ZNF655: variants seen among roughly 807,000 people sequenced by gnomAD.
ZNF655 encodes the protein Vav-interacting Kruppel-like protein 1.
Under a neutral mutation model 6.6 loss-of-function variants are expected in ZNF655, and 3 were observed. The observed-to-expected ratio is 0.46, with a 90% CI of 0.21 to 1.18. The LOEUF (loss-of-function observed/expected upper bound fraction) is 1.18. Among genes scored for constraint, ZNF655 ranks in the 50% most tolerant of loss-of-function variants. ZNF655 has a pLI of 0.24. For synonymous variants in ZNF655, 178 were observed against 195.0 expected (o/e 0.91, Z 0.73); for missense variants, 526 against 572.3 (o/e 0.92, Z 0.83).
rs1335246161 is a variant in ZNF655, at chr7:99,576,452, A to C, written c.*2868A>C. 1.3e-5 allele frequency: 2 copies of C among 152,626 alleles called. No homozygotes were observed. Among genetic ancestry groups the C allele is most frequent in the Non-Finnish European group, 2.9e-5 (2 of 68,042 alleles). 9.5% of individuals were successfully genotyped at this position (152,626 alleles called of 1,614,324 possible). ...ATAAAGGTGTGTTTGGTATTCTGAG[A>C]ATTTGTTTCAAACAAAATCTGAAGG... On this transcript the variant is annotated 3_prime_UTR_variant, in exon 3 of 3. Coordinates refer to ENST00000252713, the MANE Select transcript of ZNF655 (RefSeq NM_138494.3).
intron 1 of ZNF655, 48 bp from the exon 2 acceptor site, chr7:99,560,485 G>T (rs1803044230): frequency 6.5e-7 from 1 of 1,541,836 alleles, no homozygotes; most frequent in Non-Finnish European, 8.8e-7. Context: ...ATAAAATGAT[G>T]AAATGCTTTA....
At chr7:99,560,148 A>C in intron 1 of ZNF655, among the ~76,000 whole-genome samples, 1 of 147,972 alleles carries the variant, frequency 6.8e-6, no homozygotes, top group Admixed American at 6.9e-5. Context: ...GCAGTGGTGC[A>C]ATCTTGGCTC....
At chr7:99,560,364 C>A in intron 1 of ZNF655, 169 bp from the exon 2 acceptor site, 1 of 549,312 alleles carries the variant, frequency 1.8e-6, no homozygotes, top group Non-Finnish European at 2.9e-6. Context: ...GATTACAGGC[C>A]ACTGCGCCTG....
rs1186570438 is a variant in ZNF655, at chr7:99,559,723, G to A, written c.-27-810G>A. ...GCTCACTGCAGCCTCTACCTCCCAA[G>A]CTCAAGCGATTCTCCTGCCTTGGCC... On this transcript the variant is annotated intron_variant, in intron 1 of 2. Transcript: ENST00000252713. Among the ~76,000 whole-genome samples the A allele has an allele frequency of 3.3e-5, 5 of 151,722 alleles. No individual in the cohort carries two copies. In the East Asian group the frequency reaches 9.7e-4, roughly 29 times the overall value.
chr7:99,559,668 TACAGGCTGGAATGC>T lies in ZNF655; in HGVS notation c.-27-863_-27-850del, dbSNP rs1802928382. 2.6e-5 allele frequency among the ~76,000 whole-genome samples: 4 copies of T among 152,146 alleles called. No homozygotes were observed. The South Asian group carries it at 8.3e-4, about 32-fold the overall frequency. The stretch of plus-strand genomic sequence containing the variant: ...TTTGAGGTGGGCTGTCACGCTGTCA[TACAGGCTGGAATGC>T]AGTGGCGCAGTCATAGCTCACTGCA... On this transcript the variant is annotated intron_variant, in intron 1 of 2. Coordinates refer to ENST00000252713, the MANE Select transcript of ZNF655 (RefSeq NM_138494.3).
intron 2 of ZNF655, chr7:99,562,466 A>G: frequency 2.5e-6 from 4 of 1,613,660 alleles, no homozygotes; most frequent in Non-Finnish European, 3.4e-6. Flanking sequence ...AAGTGATGTT[A>G]GAGAATTATG....
rs538233687 is a variant in ZNF655 at position 99,573,661 on chromosome 7, A to T, written c.*77A>T. The T allele has an allele frequency of 8.6e-5, 129 of 1,498,314 alleles. No homozygotes were observed. In the South Asian group the frequency reaches 1.6e-3, roughly 18 times the overall value. The allele number at this position is 1,498,314 out of a possible 1,614,324, so 92.8% of individuals were successfully genotyped here. On this transcript the variant is annotated 3_prime_UTR_variant, in exon 3 of 3. Coordinates refer to ENST00000252713, the MANE Select transcript of ZNF655 (RefSeq NM_138494.3). Reference sequence around the variant, plus strand: ...TGAGAGTTCACACCAGGGAGAAATCATGTATGTACTGCATGTGGTAAAGCC... The same window carrying T: ...TGAGAGTTCACACCAGGGAGAAATCTTGTATGTACTGCATGTGGTAAAGCC...
rs755874656 is a variant in ZNF655 at position 99,572,645 on chromosome 7, T to G, written c.537T>G (p.Asn179Lys). The G allele has an allele frequency of 6.2e-7, 1 of 1,613,648 alleles. No homozygotes were observed. Among genetic ancestry groups the G allele is most frequent in the Non-Finnish European group, 8.5e-7 (1 of 1,179,884 alleles). The change falls in exon 3 of 3, where the codon AAT becomes AAG. Residue 179 changes from asparagine to lysine, a missense_variant. By Grantham distance (94) the Asn-to-Lys change is moderately conservative. Transcript: ENST00000252713. ...NSASGKHEHLNLTEDFQSSEC... is the reference protein window; with the variant it reads ...NSASGKHEHLKLTEDFQSSEC... ...CCTCTGGTAAACATGAACACTTAAA[T>G]CTAACAGAGGATTTTCAGAGTAGTG...
Position 99,573,576 on chromosome 7 carries a change from A to G in ZNF655, c.1468A>G (p.Asn490Asp). The change falls in exon 3 of 3, where the codon AAC (asparagine) becomes GAC (aspartate). Residue 490 changes from asparagine to aspartate, a missense_variant. Transcript: ENST00000252713. ...VQHQSIHTKENS is the reference protein window; with the variant it reads ...VQHQSIHTKEDS ...ACATCAGAGCATTCATACCAAAGAG[A>G]ACTCATGAATGTAATGAAGATGGGA... 6.3e-7 allele frequency: 1 copy of G among 1,599,826 alleles called. No individual in the cohort carries two copies. Among genetic ancestry groups the G allele is most frequent in the Non-Finnish European group, 8.5e-7 (1 of 1,177,638 alleles).
intron 2 of ZNF655, chr7:99,563,252 G>A (rs1018378139): frequency 9.8e-5 from 43 of 438,578 alleles, no homozygotes; most frequent in Admixed American, 4.6e-4. Flanking sequence ...GGGGTTTGTC[G>A]GCAGCTCCCT....
chr7:99,574,245 G>A lies in ZNF655; in HGVS notation c.*661G>A, dbSNP rs1247266507. 1 of 152,162 alleles carries A rather than the reference G, an allele frequency of 6.6e-6. No individual in the cohort carries two copies. Among genetic ancestry groups the A allele is most frequent in the Non-Finnish European group, 1.5e-5 (1 of 68,034 alleles). The allele number at this position is 152,162 out of a possible 1,614,324, so 9.4% of individuals were successfully genotyped here. On this transcript the variant is annotated 3_prime_UTR_variant, in exon 3 of 3. Coordinates refer to ENST00000252713, the MANE Select transcript of ZNF655 (RefSeq NM_138494.3). ...ACATCGAAATAATGGAGAGAAAATT[G>A]TTGATTATTTGTTTATGAAATTGTT...
rs1373120117 is a variant in ZNF655, at chr7:99,575,822, A to T, written c.*2238A>T. The T allele has an allele frequency of 1.3e-5, 2 of 152,202 alleles. No homozygotes were observed. The highest frequency in any genetic ancestry group is 4.8e-5 in the African/African-American group (2 of 41,446). 9.4% of individuals were successfully genotyped at this position (152,202 alleles called of 1,614,324 possible). A position where few individuals can be genotyped will look rare whatever the true frequency, so the allele number is the denominator to read the frequency against. ...ATCCATTACCACATTTTTGTATTTT[A>T]ATAGTCTACAGGCTATATAAAAGAA... On this transcript the variant is annotated 3_prime_UTR_variant, in exon 3 of 3. Transcript: ENST00000252713.
chr7:99,572,717 G>A lies in ZNF655; in HGVS notation c.609G>A (p.Glu203=), dbSNP rs748606200. ...LMDLSHLNKW[E]SIPNTEKSYK... ...ATCTCTCCCACCTTAATAAATGGGAGAGCATCCCTAACACTGAGAAATCCT... is the reference window on the plus strand; with the variant it reads ...ATCTCTCCCACCTTAATAAATGGGAAAGCATCCCTAACACTGAGAAATCCT... The change falls in exon 3 of 3, where the codon GAG becomes GAA. Residue 203 remains glutamate (E), a synonymous_variant. Coordinates refer to ENST00000252713, the MANE Select transcript of ZNF655 (RefSeq NM_138494.3). 1 of 1,613,244 alleles carries A rather than the reference G, an allele frequency of 6.2e-7. No individual in the cohort carries two copies. Among genetic ancestry groups the A allele is most frequent in the Non-Finnish European group, 8.5e-7 (1 of 1,179,936 alleles).
In ZNF655 at chr7:99,572,894, CACTAGAGAAAA is replaced by C. The variant is rs1240818405; in HGVS notation, c.789_799del (p.Arg264LeufsTer4). On this transcript the variant is annotated frameshift_variant, in exon 3 of 3. Coordinates refer to ENST00000252713, the MANE Select transcript of ZNF655 (RefSeq NM_138494.3). LOFTEE classifies it low-confidence loss of function (END_TRUNC). ...GTCTTAGTCGACATAAAAGAATACA[CACTAGAGAAAA>C]ACCTTACAAATGTGAAGCATCTGAT... is the stretch of plus-strand genomic sequence containing the variant. 6 of 1,614,106 alleles carry C rather than the reference CACTAGAGAAAA, an allele frequency of 3.7e-6. No homozygotes were observed. The highest frequency in any genetic ancestry group is 5.1e-6 in the Non-Finnish European group (6 of 1,179,990).
chr7:99,566,928 A>C (rs1803680586), intron 2 of ZNF655, among the ~76,000 whole-genome samples: 1 of 150,282 alleles, frequency 6.7e-6, no homozygotes, highest in African/African-American at 2.4e-5. Context: ...AAATAAAATA[A>C]TTTTTTTTTT....
rs769661648 is a variant in ZNF655, at chr7:99,573,487, G to A, written c.1379G>A (p.Arg460Lys). 4.3e-5 allele frequency: 69 copies of A among 1,613,148 alleles called. No homozygotes were observed. Among genetic ancestry groups the A allele is most frequent in the Non-Finnish European group, 5.5e-5 (65 of 1,180,024 alleles). ...DLILQQEVLT[R>K]QKAFDCDVWE... ...ATCCTGCAACAAGAAGTCCTCACCA[G>A]ACAGAAAGCCTTTGATTGTGATGTA... Residue 460 changes from arginine to lysine, a missense_variant, in exon 3 of 3, where the codon AGA becomes AAA. Transcript: ENST00000252713.
chr7:99,568,223 A>G (rs761497752), intron 2 of ZNF655, among the ~76,000 whole-genome samples: 3 of 151,928 alleles, frequency 2.0e-5, no homozygotes, highest in African/African-American at 7.3e-5. Context: ...GAGTTTCCTC[A>G]AATTTATTAT....
chr7:99,567,321 G>A (rs1282803037), intron 2 of ZNF655, among the ~76,000 whole-genome samples: 1 of 152,096 alleles, frequency 6.6e-6, no homozygotes, highest in Non-Finnish European at 1.5e-5. Context: ...ATCACCTGAG[G>A]TTGGGAGTTC....
chr7:99,566,890 A>G (rs1391618343), intron 2 of ZNF655, among the ~76,000 whole-genome samples: 1 of 152,208 alleles, frequency 6.6e-6, no homozygotes, highest in East Asian at 1.9e-4. Context: ...AGATTAAAAT[A>G]AATTTTATTA....
Sources: gnomAD v4.1 joint callset for allele counts (sites outside exome capture counted in the v4.1 genomes callset) on GRCh38, gnomAD v4.1.1 for gene constraint, MANE v1.5 for transcripts, NCBI Gene and HGNC (gene_info 2026-07-23, HGNC 2026-07-21) for gene names.